NAMPT: variants seen among roughly 807,000 people sequenced by gnomAD.
The protein encoded by NAMPT is nicotinamide phosphoribosyltransferase, also known as NAmPRTase.
NAMPT carries 7 observed loss-of-function variants against 58.7 expected under a neutral mutation model. The observed-to-expected ratio is 0.12, with a 90% CI of 0.07 to 0.22. The LOEUF (loss-of-function observed/expected upper bound fraction) is 0.22, where lower values mean the gene tolerates loss of function less well. Among genes scored for constraint, NAMPT ranks in the 10% least tolerant of loss-of-function variants. The pLI is 1.00. For missense variants in NAMPT, 271 were observed against 567.9 expected, an observed-to-expected ratio of 0.48 and a Z score of 5.31; for synonymous variants, 145 against 198.1, an observed-to-expected ratio of 0.73 and a Z score of 2.25.
At chr7:106,258,329 T>C (rs1346936630) in intron 8 of NAMPT, among the ~76,000 whole-genome samples, 1 of 152,244 alleles carries the variant, frequency 6.6e-6, no homozygotes, top group Non-Finnish European at 1.5e-5. Flanking sequence ...GGAAAACTAC[T>C]ATAATTTGGG....
At chr7:106,268,254 C>A in intron 6 of NAMPT, 1 of 399,448 alleles carries the variant, frequency 2.5e-6, no homozygotes, top group East Asian at 4.1e-5. Context: ...TGGAAAAAAG[C>A]TCTTAAACTG....
chr7:106,272,016 T>C, intron 4 of NAMPT: 1 of 292,204 alleles, frequency 3.4e-6, no homozygotes, highest in Non-Finnish European at 7.0e-6. Context: ...AAATGTACCC[T>C]TCCTGAGAAA....
chr7:106,250,397 T>C lies in NAMPT; in HGVS notation c.*686A>G, dbSNP rs1418411524. 4 of 152,656 alleles carry C rather than the reference T, an allele frequency of 2.6e-5. No homozygotes were observed. The highest frequency in any genetic ancestry group is 3.9e-4 in the East Asian group (2 of 5,194). 9.5% of individuals were successfully genotyped at this position (152,656 alleles called of 1,614,324 possible). On this transcript the variant is annotated 3_prime_UTR_variant, in exon 11 of 11. Transcript: ENST00000222553. ...CTGGTACAATACAACAACCAAGATATATAATAACTGTACAGTGCCTAGACA... is the reference window on the plus strand; with the variant it reads ...CTGGTACAATACAACAACCAAGATACATAATAACTGTACAGTGCCTAGACA...
intron 1 of NAMPT, among the ~76,000 whole-genome samples, chr7:106,277,542 C>T (rs1792672761): frequency 6.6e-6 from 1 of 152,164 alleles, no homozygotes; most frequent in Non-Finnish European, 1.5e-5. Flanking sequence ...TGAAAGACAG[C>T]AGAATTTGGT....
In NAMPT at chr7:106,263,463, C is replaced by T. The variant is rs778243363; in HGVS notation, c.898G>A (p.Val300Ile). Residue 300 changes from valine to isoleucine, a missense_variant, in exon 7 of 11, where the codon GTA (valine) becomes ATA (isoleucine). Transcript: ENST00000222553. ...IWGEDLRHLI[V>I]SRSTQAPLII... ...AGTGGTGCCTGTGTACTTCTTGATA[C>T]TATTAAATGTCTTAGATCTTCACCC... 2.5e-6 allele frequency: 4 copies of T among 1,599,520 alleles called. No individual in the cohort carries two copies. Among genetic ancestry groups the T allele is most frequent in the Admixed American group, 1.7e-5 (1 of 59,918 alleles).
intron 1 of NAMPT, among the ~76,000 whole-genome samples, chr7:106,277,687 G>A (rs1046733427): frequency 3.9e-5 from 6 of 152,134 alleles, no homozygotes; most frequent in Admixed American, 2.0e-4. Context: ...TGACAGCAAC[G>A]GCGGTGGCAG....
chr7:106,285,177 G>C (rs1278859174), upstream of NAMPT: 1 of 1,226,962 alleles, frequency 8.2e-7, no homozygotes. Flanking sequence ...GCCGAGAAAG[G>C]GCGGGGCGCG....
rs563092711 is a variant in NAMPT at position 106,259,053 on chromosome 7, C to T, written c.1089+2535G>A. 5.9e-5 allele frequency among the ~76,000 whole-genome samples: 9 copies of T among 152,322 alleles called. No homozygotes were observed. The East Asian group carries it at 1.3e-3, about 23-fold the overall frequency. Reference sequence around the variant, plus strand: ...TTTATCAACTGATTTTACTGATATTCGAAGTCCTTTGTTGTCATTTCAACG... The same window carrying T: ...TTTATCAACTGATTTTACTGATATTTGAAGTCCTTTGTTGTCATTTCAACG... On this transcript the variant is annotated intron_variant, in intron 8 of 10. Transcript: ENST00000222553.
At chr7:106,285,477 C>G (rs986768220), upstream of NAMPT, 4 of 937,998 alleles carry the variant, frequency 4.3e-6, no homozygotes, top group East Asian at 4.6e-4. Context: ...AGTCACGCCA[C>G]CCGGCTAGGG....
intron 8 of NAMPT, among the ~76,000 whole-genome samples, chr7:106,260,649 C>G (rs998734417): frequency 1.3e-5 from 2 of 152,284 alleles, no homozygotes; most frequent in Admixed American, 6.5e-5. Context: ...TAAACTTAAT[C>G]ATGTCTAGGT....
intron 8 of NAMPT, among the ~76,000 whole-genome samples, chr7:106,257,193 A>G (rs1792216575): frequency 6.6e-6 from 1 of 151,946 alleles, no homozygotes; most frequent in Non-Finnish European, 1.5e-5. Context: ...GTACATCTGC[A>G]TTAACACAAA....
intron 10 of NAMPT, 123 bp from the exon 11 acceptor site, chr7:106,251,316 G>T: frequency 1.5e-6 from 1 of 652,170 alleles, no homozygotes. Flanking sequence ...CAAATTGTGA[G>T]ATGATTTGAT....
intron 8 of NAMPT, among the ~76,000 whole-genome samples, chr7:106,255,239 T>C (rs1184232622): frequency 6.6e-6 from 1 of 152,240 alleles, no homozygotes; most frequent in Non-Finnish European, 1.5e-5. Flanking sequence ...ATGTCATTTG[T>C]ATTTCTTTCA....
At position 106,267,866 on chromosome 7, in the gene NAMPT, A is replaced by AAAAAAAAAAAAAAC. The variant is rs767872084; in HGVS notation, c.743+597_743+598insGTTTTTTTTTTTTT. ...AAAAAAAAAAAAAAAAAAAAAAAAA[A>AAAAAAAAAAAAAAC]AAAAAAAAAACAACCTGATTTACTT... On this transcript the variant is annotated intron_variant, in intron 6 of 10. Coordinates refer to ENST00000222553, the MANE Select transcript of NAMPT (RefSeq NM_005746.3). Among the ~76,000 whole-genome samples, 4 of 133,566 alleles carry AAAAAAAAAAAAAAC rather than the reference A, an allele frequency of 3.0e-5. 1 individual carries two copies. Among genetic ancestry groups the AAAAAAAAAAAAAAC allele is most frequent in the African/African-American group, 5.2e-5 (2 of 38,302 alleles). 87.6% of individuals were successfully genotyped at this position (133,566 alleles called of 152,430 possible).
In NAMPT at chr7:106,254,406, A is replaced by G; in HGVS notation, c.1188T>C (p.Asn396=). The G allele has an allele frequency of 1.2e-6, 2 of 1,613,944 alleles. No homozygotes were observed. The highest frequency in any genetic ancestry group is 1.7e-6 in the Non-Finnish European group (2 of 1,179,822). The change falls in exon 9 of 11, where the codon AAT becomes AAC. Residue 396 remains asparagine (N), a synonymous_variant. Transcript: ENST00000222553. ...CAACATAGCTACACTTGAAGGAACAATTCAAGAGATCTCTTGTCAACTTCT... is the reference window on the plus strand; with the variant it reads ...CAACATAGCTACACTTGAAGGAACAGTTCAAGAGATCTCTTGTCAACTTCT... The part of the protein sequence containing the change: ...LLQKLTRDLL[N]CSFKCSYVVT...
At chr7:106,251,887 T>A (rs867173953) in intron 10 of NAMPT, among the ~76,000 whole-genome samples, 1 of 152,058 alleles carries the variant, frequency 6.6e-6, no homozygotes, top group African/African-American at 2.4e-5. Context: ...CACTAAGGAG[T>A]TACCTGCTTC....
At chr7:106,267,710 G>C (rs933575580) in intron 6 of NAMPT, among the ~76,000 whole-genome samples, 1 of 148,898 alleles carries the variant, frequency 6.7e-6, no homozygotes. Flanking sequence ...GCGTAGTGGC[G>C]GGCGCCTGTA....
At chr7:106,278,972 G>A (rs572847380) in intron 1 of NAMPT, among the ~76,000 whole-genome samples, 46 of 152,286 alleles carry the variant, frequency 3.0e-4, no homozygotes, top group Admixed American at 2.2e-3. Flanking sequence ...TAGAAGGCAA[G>A]TTATTTTCTT....
intron 10 of NAMPT, among the ~76,000 whole-genome samples, chr7:106,252,424 TAAAG>T (rs1300854384): frequency 6.6e-6 from 1 of 152,120 alleles, no homozygotes; most frequent in Non-Finnish European, 1.5e-5. Flanking sequence ...TGATGTAGTA[TAAAG>T]AATCAAAATA....
Sources: allele counts gnomAD v4.1 joint callset (sites outside exome capture counted in the v4.1 genomes callset), GRCh38; gene constraint gnomAD v4.1.1; transcripts MANE v1.5; gene names NCBI Gene and HGNC (gene_info 2026-07-23, HGNC 2026-07-21).